Variants in SGCZ observed in about 807,000 individuals in gnomAD.
SGCZ encodes sarcoglycan zeta, also known as zeta-sarcoglycan.
In SGCZ, 40 loss-of-function variants were observed where a neutral mutation model predicts 41.3. The ratio of observed to expected loss-of-function variants is 0.97; its 90% confidence interval spans 0.75 to 1.26. The LOEUF is 1.26. Among genes scored for constraint, SGCZ ranks in the 50% most tolerant of loss-of-function variants. The pLI is 0.00. For missense variants in SGCZ, 552 were observed against 369.8 expected (o/e 1.49, Z -4.04); for synonymous variants, 206 against 137.5 (o/e 1.50, Z -3.49).
chr8:14,319,883 T>C (rs1463301318), intron 3 of SGCZ, among the ~76,000 whole-genome samples: 6 of 152,060 alleles, frequency 3.9e-5, no homozygotes, highest in Admixed American at 3.9e-4. Flanking sequence ...ATTCAGCTTC[T>C]TAATGGTATT....
At chr8:14,325,747 C>CACACAT (rs1802079598) in intron 2 of SGCZ, among the ~76,000 whole-genome samples, 1 of 69,460 alleles carries the variant, frequency 1.4e-5, no homozygotes, top group Non-Finnish European at 3.1e-5. Context: ...CACACACACA[C>CACACAT]ATATATATAT....
chr8:14,166,406 T>C (rs1804212086), intron 4 of SGCZ, among the ~76,000 whole-genome samples: 2 of 152,146 alleles, frequency 1.3e-5, no homozygotes, highest in African/African-American at 2.4e-5. Flanking sequence ...TAGACGACAA[T>C]GAGCCATAGT....
At chr8:14,344,294 C>T (rs1563269687) in intron 2 of SGCZ, among the ~76,000 whole-genome samples, 1 of 151,624 alleles carries the variant, frequency 6.6e-6, no homozygotes, top group African/African-American at 2.4e-5. Context: ...AAATAACTAT[C>T]CAGTAATAGA....
chr8:14,974,380 A>C (rs1186979084), intron 1 of SGCZ, among the ~76,000 whole-genome samples: 1 of 152,218 alleles, frequency 6.6e-6, no homozygotes, highest in Non-Finnish European at 1.5e-5. Context: ...CACATAGAAC[A>C]TACAACTGGG....
At chr8:14,714,006 T>C (rs146693511) in intron 1 of SGCZ, among the ~76,000 whole-genome samples, 24 of 152,258 alleles carry the variant, frequency 1.6e-4, no homozygotes, top group African/African-American at 5.8e-4. Context: ...TCTCACTCTG[T>C]ACCCAGGCTG....
intron 1 of SGCZ, among the ~76,000 whole-genome samples, chr8:14,807,037 C>T (rs1801558977): frequency 6.6e-6 from 1 of 152,300 alleles, no homozygotes; most frequent in Admixed American, 6.5e-5. Flanking sequence ...AACAACGCTT[C>T]AGGCTAAAAA....
intron 4 of SGCZ, among the ~76,000 whole-genome samples, chr8:14,206,421 T>C (rs993907906): frequency 1.3e-5 from 2 of 152,070 alleles, no homozygotes; most frequent in Non-Finnish European, 2.9e-5. Flanking sequence ...CACAATGGAG[T>C]ACACACAAAA....
chr8:15,020,900 A>G (rs1464728760), intron 1 of SGCZ, among the ~76,000 whole-genome samples: 1 of 152,208 alleles, frequency 6.6e-6, no homozygotes, highest in African/African-American at 2.4e-5. Flanking sequence ...AAATTTAGAA[A>G]TTCAGTTAAA....
chr8:14,926,387 T>G (rs1378756153), intron 1 of SGCZ, among the ~76,000 whole-genome samples: 1 of 152,180 alleles, frequency 6.6e-6, no homozygotes, highest in East Asian at 1.9e-4. Context: ...GAACCATCAA[T>G]GTTAAAAATT....
intron 1 of SGCZ, among the ~76,000 whole-genome samples, chr8:14,867,494 T>A (rs116414825): frequency 0.024 from 3,590 of 152,106 alleles, 51 homozygotes; most frequent in Middle Eastern, 0.048. Flanking sequence ...GGTAGAATAG[T>A]ATTTCTGTCT....
intron 1 of SGCZ, among the ~76,000 whole-genome samples, chr8:14,577,537 C>G (rs111675953): frequency 0.034 from 5,102 of 151,984 alleles, 290 homozygotes; most frequent in African/African-American, 0.12. Flanking sequence ...ATAGGTGCAT[C>G]TCAACATGCC....
intron 3 of SGCZ, among the ~76,000 whole-genome samples, chr8:14,264,142 C>G (rs1207154486): frequency 1.3e-5 from 2 of 152,224 alleles, no homozygotes; most frequent in African/African-American, 4.8e-5. Context: ...GAGGCCATAG[C>G]TGCCCTGGTC....
intron 3 of SGCZ, among the ~76,000 whole-genome samples, chr8:14,270,391 G>A (rs958447797): frequency 1.3e-5 from 2 of 151,960 alleles, no homozygotes; most frequent in African/African-American, 4.8e-5. Flanking sequence ...TACACTTAAG[G>A]TTTTTTCAGC....
chr8:14,851,940 A>C (rs925908699), intron 1 of SGCZ, among the ~76,000 whole-genome samples: 1 of 152,050 alleles, frequency 6.6e-6, no homozygotes, highest in Non-Finnish European at 1.5e-5. Context: ...TAACACACAG[A>C]AGAAGTGTAT....
intron 1 of SGCZ, among the ~76,000 whole-genome samples, chr8:14,627,084 T>C (rs1806483920): frequency 6.6e-6 from 1 of 152,220 alleles, no homozygotes; most frequent in South Asian, 2.1e-4. Context: ...AATCTTGTAA[T>C]GCCATTTAGA....
rs77007424 is a variant in SGCZ, at chr8:14,111,407, C to T, written c.548-3172G>A. Among the ~76,000 whole-genome samples the T allele has an allele frequency of 3.3e-5, 5 of 152,192 alleles. No individual in the cohort carries two copies. In the East Asian group the frequency reaches 9.7e-4, roughly 29 times the overall value. ...CTCACTTAGAGAAAAGACAGACTGT[C>T]ATGAATTCTCATATCACAGGCTCTA... On this transcript the variant is annotated intron_variant, in intron 5 of 7. Coordinates refer to ENST00000382080, the MANE Select transcript of SGCZ (RefSeq NM_139167.4).
chr8:14,537,793 C>T (rs867732697), intron 2 of SGCZ, among the ~76,000 whole-genome samples: 14 of 151,866 alleles, frequency 9.2e-5, no homozygotes, highest in Non-Finnish European at 1.5e-5. Context: ...TTTGTGAACG[C>T]TAAAGAGCTG....
chr8:14,873,412 A>G (rs193134685), intron 1 of SGCZ, among the ~76,000 whole-genome samples: 3 of 152,174 alleles, frequency 2.0e-5, no homozygotes, highest in Admixed American at 2.0e-4. Context: ...ATAACTTTGG[A>G]GACTCTAGAG....
intron 1 of SGCZ, among the ~76,000 whole-genome samples, chr8:14,863,223 TTGCAGCTC>T (rs2130684649): frequency 6.6e-6 from 1 of 152,304 alleles, no homozygotes; most frequent in African/African-American, 2.4e-5. Flanking sequence ...ACTGATAGCC[TTGCAGCTC>T]TGCCCTGAGG....
Sources: gnomAD v4.1 joint callset for allele counts (sites outside exome capture counted in the v4.1 genomes callset) on GRCh38, gnomAD v4.1.1 for gene constraint, MANE v1.5 for transcripts, NCBI Gene and HGNC (gene_info 2026-07-23, HGNC 2026-07-21) for gene names.